COPS6: variants seen among roughly 807,000 people sequenced by gnomAD.
COPS6 encodes the protein COP9 signalosome subunit 6.
In COPS6, 9 loss-of-function variants were observed where a neutral mutation model predicts 41.0. The observed-to-expected ratio is 0.22, with a 90% CI of 0.13 to 0.38. The LOEUF (loss-of-function observed/expected upper bound fraction) is 0.38. Among genes scored for constraint, COPS6 ranks in the 10% least tolerant of loss-of-function variants. COPS6 has a pLI of 1.00. For missense variants in COPS6, 302 were observed against 436.7 expected, an observed-to-expected ratio of 0.69 and a Z score of 2.75; for synonymous variants, 179 against 162.9, an observed-to-expected ratio of 1.10 and a Z score of -0.75.
In COPS6 at chr7:100,091,669, C is replaced by T. The variant is rs1795323603; in HGVS notation, c.864C>T (p.Leu288=). The change falls in exon 10 of 10, where the codon CTC becomes CTT. Residue 288 remains leucine, a synonymous_variant. Transcript: ENST00000303904. This position sits in a 1 kb window ranked among gnomAD's most constrained non-coding sequence, Gnocchi z 4.1. ...DFYDQCNDVG[L]MAYLGTITKT... ...CCCAGCAATGCAACGACGTGGGGCT[C>T]ATGGCCTACCTCGGCACCATCACCA... The T allele has an allele frequency of 1.2e-6, 2 of 1,614,216 alleles. No homozygotes were observed. Among genetic ancestry groups the T allele is most frequent in the South Asian group, 1.1e-5 (1 of 91,080 alleles).
Position 100,091,448 on chromosome 7 carries a change from G to A in COPS6, c.771G>A (p.Leu257=), listed in dbSNP as rs1795316846. 1 of 1,614,140 alleles carries A rather than the reference G, an allele frequency of 6.2e-7. No homozygotes were observed. Among genetic ancestry groups the A allele is most frequent in the South Asian group, 1.1e-5 (1 of 91,084 alleles). ...AGEVPFNHEI[L]REAYALCHCL... is the part of the protein sequence containing the mutation. ...AGGTCCCCTTTAATCATGAGATCCT[G>A]CGGGAGGCCTATGCTCTGTGTCACT... Residue 257 remains leucine (L), a synonymous_variant, in exon 9 of 10, where the codon CTG becomes CTA. Coordinates refer to ENST00000303904, the MANE Select transcript of COPS6 (RefSeq NM_006833.5). This position sits in a 1 kb window ranked among gnomAD's most constrained non-coding sequence, Gnocchi z 4.1.
chr7:100,090,960 AC>A lies in COPS6; in HGVS notation c.534+14del, dbSNP rs1199427551. ...ATAATCAATGGAGAGGTAATACCCT[AC>A]CCTTCAACCCTCAGATCCTGCTCTT... On this transcript the variant is annotated intron_variant, in intron 6 of 9. Transcript: ENST00000303904. The A allele has an allele frequency of 6.2e-7, 1 of 1,613,926 alleles. No homozygotes were observed. The highest frequency in any genetic ancestry group is 8.5e-7 in the Non-Finnish European group (1 of 1,179,892).
intron 3 of COPS6, chr7:100,090,181 C>G: frequency 1.8e-6 from 1 of 552,510 alleles, no homozygotes; most frequent in Non-Finnish European, 3.2e-6. Flanking sequence ...AACCCCACCT[C>G]TACTAAAAAT....
In COPS6 at chr7:100,089,034, G is replaced by A. The variant is rs1200520056; in HGVS notation, c.44G>A (p.Gly15Glu). 1.1e-5 allele frequency: 15 copies of A among 1,364,928 alleles called. No homozygotes were observed. The highest frequency in any genetic ancestry group is 7.4e-5 in the Admixed American group (2 of 26,852). 84.6% of individuals were successfully genotyped at this position (1,364,928 alleles called of 1,614,324 possible). A position where few individuals can be genotyped will look rare whatever the true frequency, so the allele number is the denominator to read the frequency against. ...AAAAAATNGT[G>E]GSSGMEVDAA... Reference sequence around the variant, plus strand: ...GCGGCTGCAGCTACGAACGGGACCGGAGGAAGCAGCGGGATGGAGGTGGAT... The same window carrying A: ...GCGGCTGCAGCTACGAACGGGACCGAAGGAAGCAGCGGGATGGAGGTGGAT... The change falls in exon 1 of 10, where the codon GGA (glycine) becomes GAA (glutamate). Residue 15 changes from glycine (G) to glutamate (E), a missense_variant. Gly to Glu is a moderately conservative substitution (Grantham distance 98). Transcript: ENST00000303904.
At position 100,091,575 on chromosome 7, in the gene COPS6, A is replaced by G. The variant is rs1183781074; in HGVS notation, c.843+55A>G. The G allele has an allele frequency of 1.9e-6, 3 of 1,613,728 alleles. No individual in the cohort carries two copies. The highest frequency in any genetic ancestry group is 2.5e-6 in the Non-Finnish European group (3 of 1,179,728). Reference sequence around the variant, plus strand: ...GGCTTATGCTGTCACTTTCACGTGCAGGACTGGGGACTGTTGTTCCCCGGG... The same window carrying G: ...GGCTTATGCTGTCACTTTCACGTGCGGGACTGGGGACTGTTGTTCCCCGGG... On this transcript the variant is annotated intron_variant, in intron 9 of 9. Transcript: ENST00000303904. This position sits in a 1 kb window ranked among gnomAD's most constrained non-coding sequence, Gnocchi z 4.1.
chr7:100,091,690 C>A lies in COPS6; in HGVS notation c.885C>A (p.Ile295=), dbSNP rs752838502. The change falls in exon 10 of 10, where the codon ATC becomes ATA. Residue 295 remains isoleucine, a synonymous_variant. Transcript: ENST00000303904. This position sits in a 1 kb window ranked among gnomAD's most constrained non-coding sequence, Gnocchi z 4.1. ...DVGLMAYLGT[I]TKTCNTMNQF... is the part of the protein sequence containing the mutation. ...GGCTCATGGCCTACCTCGGCACCATCACCAAAACGTGCAACACCATGAACC... is the reference window on the plus strand; with the variant it reads ...GGCTCATGGCCTACCTCGGCACCATAACCAAAACGTGCAACACCATGAACC... 12 of 1,614,100 alleles carry A rather than the reference C, an allele frequency of 7.4e-6. No individual in the cohort carries two copies. The highest frequency in any genetic ancestry group is 1.7e-5 in the Admixed American group (1 of 60,006).
chr7:100,089,046 G>T lies in COPS6; in HGVS notation c.56G>T (p.Gly19Val). ...AATNGTGGSS[G>V]MEVDAAVVPS... is the part of the protein sequence containing the mutation. Reference sequence around the variant, plus strand: ...ACGAACGGGACCGGAGGAAGCAGCGGGATGGAGGTGGATGCAGCAGGTAAC... The same window carrying T: ...ACGAACGGGACCGGAGGAAGCAGCGTGATGGAGGTGGATGCAGCAGGTAAC... The change falls in exon 1 of 10, where the codon GGG (glycine) becomes GTG (valine). Residue 19 changes from glycine to valine, a missense_variant. This residue lies in a region of COPS6 where 76 missense variants were observed against 97.9 expected (regional missense o/e 0.78). Transcript: ENST00000303904. 7.2e-7 allele frequency: 1 copy of T among 1,383,294 alleles called. No homozygotes were observed. The highest frequency in any genetic ancestry group is 9.4e-7 in the Non-Finnish European group (1 of 1,066,918). The allele number at this position is 1,383,294 out of a possible 1,614,324, so 85.7% of individuals were successfully genotyped here.
intron 4 of COPS6, 39 bp downstream of exon 4, chr7:100,090,526 T>C (rs781277590): frequency 1.2e-6 from 2 of 1,610,618 alleles, no homozygotes; most frequent in South Asian, 2.2e-5. Flanking sequence ...GGGCAGAGAA[T>C]GGAGAATGAG....
In COPS6 at chr7:100,092,146, T is replaced by C. The variant is rs1214608641; in HGVS notation, c.*357T>C. The stretch of plus-strand genomic sequence containing the variant: ...TTTAATGTCACCCTCTACATCATCT[T>C]ACCTAGCCCACCCAACCTTATAAAC... On this transcript the variant is annotated 3_prime_UTR_variant, in exon 10 of 10. Coordinates refer to ENST00000303904, the MANE Select transcript of COPS6 (RefSeq NM_006833.5). The C allele has an allele frequency of 4.3e-6, 1 of 234,472 alleles. No individual in the cohort carries two copies. 14.5% of individuals were successfully genotyped at this position (234,472 alleles called of 1,614,324 possible).
In COPS6 at chr7:100,092,160, A is replaced by G. The variant is rs148018141; in HGVS notation, c.*371A>G. 1,116 of 207,994 alleles carry G rather than the reference A, an allele frequency of 5.4e-3. 6 individuals are homozygous for G. The highest frequency in any genetic ancestry group is 8.5e-3 in the Non-Finnish European group (884 of 103,424). The allele number at this position is 207,994 out of a possible 1,614,324, so 12.9% of individuals were successfully genotyped here. ...CTACATCATCTTACCTAGCCCACCC[A>G]ACCTTATAAACATGATAATTGACTA... On this transcript the variant is annotated 3_prime_UTR_variant, in exon 10 of 10. Transcript: ENST00000303904.
Position 100,090,070 on chromosome 7 carries a change from C to T in COPS6, c.334+324C>T, listed in dbSNP as rs970978750. On this transcript the variant is annotated intron_variant, in intron 3 of 9. Transcript: ENST00000303904. ...TGGTTTAAAGAATTACTATGTCAGGCCGGGCTCAGTGACTCATGCCTCTAA... is the reference window on the plus strand; with the variant it reads ...TGGTTTAAAGAATTACTATGTCAGGTCGGGCTCAGTGACTCATGCCTCTAA... 3.4e-5 allele frequency: 15 copies of T among 438,690 alleles called. No individual in the cohort carries two copies. The East Asian group carries it at 6.4e-4, about 19-fold the overall frequency. 27.2% of individuals were successfully genotyped at this position (438,690 alleles called of 1,614,324 possible).
chr7:100,090,784 C>T (rs753717363), intron 5 of COPS6, 118 bp from the exon 6 acceptor site: 2 of 1,458,706 alleles, frequency 1.4e-6, no homozygotes, highest in Admixed American at 1.7e-5. Flanking sequence ...AATCTCCAAA[C>T]TGTGAAAGGA....
intron 2 of COPS6, 26 bp downstream of exon 2, chr7:100,089,441 C>A: frequency 2.5e-6 from 4 of 1,613,662 alleles, no homozygotes; most frequent in Non-Finnish European, 3.4e-6. Flanking sequence ...AGACTCCAGT[C>A]TCTTCTCCTT....
chr7:100,089,155 G>C, intron 1 of COPS6, 89 bp downstream of exon 1: 1 of 1,498,084 alleles, frequency 6.7e-7, no homozygotes, highest in Non-Finnish European at 8.9e-7. Context: ...GGAGGAGGGC[G>C]GAGCAGCAAC....
intron 1 of COPS6, 68 bp from the exon 2 acceptor site, chr7:100,089,222 C>T (rs1239122202): frequency 1.3e-6 from 2 of 1,555,426 alleles, no homozygotes; most frequent in Non-Finnish European, 1.7e-6. Flanking sequence ...CGCCGTCCCC[C>T]ACTGCCATCT....
chr7:100,091,566 T>C lies in COPS6; in HGVS notation c.843+46T>C. 1 of 1,613,890 alleles carries C rather than the reference T, an allele frequency of 6.2e-7. No homozygotes were observed. The highest frequency in any genetic ancestry group is 8.5e-7 in the Non-Finnish European group (1 of 1,179,818). On this transcript the variant is annotated intron_variant, in intron 9 of 9. Transcript: ENST00000303904. This position sits in a 1 kb window ranked among gnomAD's most constrained non-coding sequence, Gnocchi z 4.1. The stretch of plus-strand genomic sequence containing the variant: ...GGGAGGCGGGGCTTATGCTGTCACT[T>C]TCACGTGCAGGACTGGGGACTGTTG...
intron 3 of COPS6, 108 bp downstream of exon 3, chr7:100,089,854 A>G: frequency 9.1e-7 from 1 of 1,100,194 alleles, no homozygotes; most frequent in Non-Finnish European, 1.3e-6. Context: ...GACCAAGAAC[A>G]GGGGAGAAAA....
Position 100,091,570 on chromosome 7 carries a change from C to G in COPS6, c.843+50C>G, listed in dbSNP as rs369196927. The G allele has an allele frequency of 6.2e-7, 1 of 1,613,674 alleles. No individual in the cohort carries two copies. On this transcript the variant is annotated intron_variant, in intron 9 of 9. Transcript: ENST00000303904. This position sits in a 1 kb window ranked among gnomAD's most constrained non-coding sequence, Gnocchi z 4.1. ...GGCGGGGCTTATGCTGTCACTTTCA[C>G]GTGCAGGACTGGGGACTGTTGTTCC...
chr7:100,090,293 A>C lies in COPS6; in HGVS notation c.335-106A>C, dbSNP rs948071868. ...AACCTGGGAGGCGGAGGTTGTGGTG[A>C]GCTGAGATCATGCCACTGCACTCCA... On this transcript the variant is annotated intron_variant, in intron 3 of 9. Coordinates refer to ENST00000303904, the MANE Select transcript of COPS6 (RefSeq NM_006833.5). 9.0e-6 allele frequency: 7 copies of C among 776,096 alleles called. No individual in the cohort carries two copies. In the African/African-American group the frequency reaches 1.2e-4, roughly 14 times the overall value. The allele number at this position is 776,096 out of a possible 1,614,324, so 48.1% of individuals were successfully genotyped here.
Sources: gnomAD v4.1 joint callset for allele counts on GRCh38, gnomAD v4.1.1 for gene constraint, gnomAD v4.1.1 regional missense constraint, Gnocchi (gnomAD v3.1) non-coding constraint, MANE v1.5 for transcripts, NCBI Gene and HGNC (gene_info 2026-07-23, HGNC 2026-07-21) for gene names.